The following POLG variants were observed in gnomAD, a reference collection of about 807,000 sequenced individuals.
POLG encodes the protein DNA polymerase gamma, catalytic subunit.
A neutral mutation model predicts 155.4 loss-of-function variants in POLG; 110 were observed. That is an observed-to-expected ratio of 0.71 (90% CI 0.61 to 0.83). The LOEUF (loss-of-function observed/expected upper bound fraction) is 0.83. Ranked by LOEUF, POLG falls within the 40% of genes least tolerant of loss-of-function variation. The pLI, the probability that POLG is intolerant of heterozygous loss-of-function variation, is 0.00. For missense variants in POLG, 1,685 were observed against 1,627.5 expected, an observed-to-expected ratio of 1.04 and a Z score of -0.61; for synonymous variants, 701 against 631.5, an observed-to-expected ratio of 1.11 and a Z score of -1.65.
At chr15:89,327,961 G>A (rs1011792159) in intron 6 of POLG, among the ~76,000 whole-genome samples, 3 of 151,728 alleles carry the variant, frequency 2.0e-5, no homozygotes, top group African/African-American at 4.9e-5. Context: ...TATATAATAC[G>A]TATAACATAA....
chr15:89,333,842 G>T lies in POLG; in HGVS notation c.-88C>A. 1.4e-6 allele frequency: 2 copies of T among 1,436,746 alleles called. No individual in the cohort carries two copies. Among genetic ancestry groups the T allele is most frequent in the Non-Finnish European group, 1.9e-6 (2 of 1,057,794 alleles). The allele number at this position is 1,436,746 out of a possible 1,614,324, so 89.0% of individuals were successfully genotyped here. ...TCTTTTACTGGCTGGAAGACGTGGA[G>T]AGAGACACGTCCTGTCTCTGCTCTC... On this transcript the variant is annotated 5_prime_UTR_variant, in exon 2 of 23. Coordinates refer to ENST00000268124, the MANE Select transcript of POLG (RefSeq NM_002693.3).
Position 89,319,295 on chromosome 15 carries a change from C to T in POLG, c.3037G>A (p.Asp1013Asn), listed in dbSNP as rs1307399071. Residue 1013 changes from aspartate to asparagine, a missense_variant, in exon 19 of 23, where the codon GAC (aspartate) becomes AAC (asparagine). Asp to Asn is a conservative substitution (Grantham distance 23, BLOSUM62 1). Coordinates refer to ENST00000268124, the MANE Select transcript of POLG (RefSeq NM_002693.3). ...GAAATCCAGCCACCCTCAGTCCTGTCCACTGGGAGGTTCAACTCCCTCACC... is the reference window on the plus strand; with the variant it reads ...GAAATCCAGCCACCCTCAGTCCTGTTCACTGGGAGGTTCAACTCCCTCACC... ...WLVRELNLPV[D>N]RTEGGWISLQ... 1 of 1,614,200 alleles carries T rather than the reference C, an allele frequency of 6.2e-7. No homozygotes were observed. The highest frequency in any genetic ancestry group is 1.7e-5 in the Admixed American group (1 of 60,030).
In POLG at chr15:89,333,422, C is replaced by A. The variant is rs56221189; in HGVS notation, c.333G>T (p.Gly111=). 5 of 1,607,524 alleles carry A rather than the reference C, an allele frequency of 3.1e-6. No homozygotes were observed. Among genetic ancestry groups the A allele is most frequent in the East Asian group, 2.2e-5 (1 of 44,838 alleles). The change falls in exon 2 of 23, where the codon GGG becomes GGT. Residue 111 remains glycine (G), a synonymous_variant. Coordinates refer to ENST00000268124, the MANE Select transcript of POLG (RefSeq NM_002693.3). ...AGGGCACGGCTGGCTGCCCCCAGAGCCCGTGCTTCTGCAGGTGCTCGACGC... is the reference window on the plus strand; with the variant it reads ...AGGGCACGGCTGGCTGCCCCCAGAGACCGTGCTTCTGCAGGTGCTCGACGC... The part of the protein sequence containing the change: ...RRSVEHLQKH[G]LWGQPAVPLP...
At chr15:89,324,427 G>A (rs1208242242) in intron 10 of POLG, 200 bp from the exon 11 acceptor site, 1 of 671,920 alleles carries the variant, frequency 1.5e-6, no homozygotes, top group African/African-American at 1.8e-5. Context: ...CAGCAGGCTG[G>A]GGTTCAAGGC....
Position 89,333,846 on chromosome 15 carries a change from G to T in POLG, c.-92C>A. On this transcript the variant is annotated 5_prime_UTR_variant, in exon 2 of 23. Transcript: ENST00000268124. ...TTACTGGCTGGAAGACGTGGAGAGA[G>T]ACACGTCCTGTCTCTGCTCTCCTGT... 7.1e-7 allele frequency: 1 copy of T among 1,415,544 alleles called. No individual in the cohort carries two copies. The highest frequency in any genetic ancestry group is 9.6e-7 in the Non-Finnish European group (1 of 1,038,836). 87.7% of individuals were successfully genotyped at this position (1,415,544 alleles called of 1,614,324 possible).
At chr15:89,334,161 T>G (rs977055748) in intron 1 of POLG, 52 of 309,288 alleles carry the variant, frequency 1.7e-4, no homozygotes, top group Non-Finnish European at 4.9e-5. Flanking sequence ...GTATCTGGAG[T>G]AGGGCGACGC....
At chr15:89,320,687 G>C (rs1399482369) in intron 18 of POLG, 79 bp downstream of exon 18, 1 of 1,515,618 alleles carries the variant, frequency 6.6e-7, no homozygotes, top group South Asian at 1.1e-5. Flanking sequence ...GCAGGAGATA[G>C]AACAGATGGT....
chr15:89,317,303 C>T, intron 22 of POLG, 73 bp downstream of exon 22: 1 of 1,508,824 alleles, frequency 6.6e-7, no homozygotes, highest in Non-Finnish European at 9.2e-7. Context: ...CCCAAGTTTC[C>T]TGTTCTCCAA....
Position 89,325,209 on chromosome 15 carries a change from AGTGAGTGAGT to A in POLG, c.1949+231_1949+240del, listed in dbSNP as rs1567189816. On this transcript the variant is annotated intron_variant, in intron 10 of 22. Transcript: ENST00000268124. The stretch of plus-strand genomic sequence containing the variant: ...GAGTGAGTGAGAGAGTGAGTGAGAG[AGTGAGTGAGT>A]GAGAGAGTGAGTGAGAGAGTGAGTG... Among the ~76,000 whole-genome samples, 59 of 67,384 alleles carry A rather than the reference AGTGAGTGAGT, an allele frequency of 8.8e-4. 15 individuals are homozygous for A. Among genetic ancestry groups the A allele is most frequent in the African/African-American group, 2.6e-3 (41 of 15,730 alleles). 44.2% of individuals were successfully genotyped at this position (67,384 alleles called of 152,430 possible).
chr15:89,325,047 AGT>A (rs1184122881), intron 10 of POLG, among the ~76,000 whole-genome samples: 1 of 122,386 alleles, frequency 8.2e-6, no homozygotes, highest in African/African-American at 5.2e-5. Flanking sequence ...AGAGTGAGTG[AGT>A]GAGTGAGAGA....
intron 12 of POLG, 49 bp from the exon 13 acceptor site, chr15:89,323,560 C>A: frequency 8.3e-7 from 1 of 1,204,384 alleles, no homozygotes; most frequent in Non-Finnish European, 1.2e-6. Context: ...CACCTGCATT[C>A]AGCAAGGGCC....
At chr15:89,320,395 C>G (rs550592968) in intron 18 of POLG, among the ~76,000 whole-genome samples, 1 of 152,208 alleles carries the variant, frequency 6.6e-6, no homozygotes, top group Non-Finnish European at 1.5e-5. Context: ...TTTGCCACAG[C>G]GCCCTCCTGT....
At position 89,320,810 on chromosome 15, in the gene POLG, A is replaced by G. The variant is rs779363917; in HGVS notation, c.2937T>C (p.Ala979=). Residue 979 remains alanine, a synonymous_variant, in exon 18 of 23, where the codon GCT becomes GCC. Transcript: ENST00000268124. ...FNHRLTQQEA[A]EKAQQMYAAT... ...CAGCGTACATCTGCTGGGCCTTCTC[A>G]GCTGCCTCCTGCTGTGTGAGCCGGT... 5.6e-6 allele frequency: 9 copies of G among 1,613,906 alleles called. No homozygotes were observed. In the South Asian group the frequency reaches 8.8e-5, roughly 16 times the overall value.
chr15:89,323,596 C>G, intron 12 of POLG, 85 bp from the exon 13 acceptor site: 1 of 927,032 alleles, frequency 1.1e-6, no homozygotes, highest in Non-Finnish European at 1.8e-6. Flanking sequence ...GGAAAAGGGC[C>G]TGAAACTGTC....
In POLG at chr15:89,325,088, G is replaced by GAA. The variant is rs1567189224; in HGVS notation, c.1949+361_1949+362insTT. On this transcript the variant is annotated intron_variant, in intron 10 of 22. Transcript: ENST00000268124. ...AGTGAGTGAGTGAGTGAGTGAGAGA[G>GAA]TGAGTGAGTGAGAGAGTGAGAGAGA... Among the ~76,000 whole-genome samples, 41 of 92,168 alleles carry GAA rather than the reference G, an allele frequency of 4.4e-4. 2 individuals are homozygous for GAA. The highest frequency in any genetic ancestry group is 5.5e-4 in the Non-Finnish European group (26 of 47,412). The allele number at this position is 92,168 out of a possible 152,430, so 60.5% of individuals were successfully genotyped here.
At chr15:89,317,617 C>G in intron 21 of POLG, 81 bp from the exon 22 acceptor site, 1 of 1,386,906 alleles carries the variant, frequency 7.2e-7, no homozygotes, top group Non-Finnish European at 1.0e-6. Flanking sequence ...GACCCCACAC[C>G]CCTTAGAGCA....
At position 89,325,559 on chromosome 15, in the gene POLG, A is replaced by G. The variant is rs566520464; in HGVS notation, c.1840T>C (p.Tyr614His). Residue 614 changes from tyrosine (Y) to histidine (H), a missense_variant, in exon 10 of 23, where the codon TAC becomes CAC. This residue lies in a region of POLG where 1,210 missense variants were observed against 1,167.1 expected (regional missense o/e 1.04). Transcript: ENST00000268124. The stretch of plus-strand genomic sequence containing the variant: ...TAGCCCCAGCCATGACGCTCTGAGT[A>G]GTGCAGAGGGAAGCCATCCCAGGTA... ...ALTWDGFPLH[Y>H]SERHGWGYLV... 18 of 1,613,704 alleles carry G rather than the reference A, an allele frequency of 1.1e-5. No individual in the cohort carries two copies. The East Asian group carries it at 3.6e-4, about 32-fold the overall frequency.
rs796052887 is a variant in POLG at position 89,322,748 on chromosome 15, C to G, written c.2420G>C (p.Arg807Pro). 1.9e-6 allele frequency: 3 copies of G among 1,613,940 alleles called. No homozygotes were observed. The highest frequency in any genetic ancestry group is 2.2e-5 in the East Asian group (1 of 44,886). The change falls in exon 14 of 23, where the codon CGT becomes CCT. Residue 807 changes from arginine (R) to proline (P), a missense_variant. Around this residue, in one of 3 missense-constraint regions of POLG, gnomAD observed 1,210 missense variants for 1,167.1 expected, o/e 1.04. Coordinates refer to ENST00000268124, the MANE Select transcript of POLG (RefSeq NM_002693.3). ...TCCTCCCATGGTGGCCCACCTGATA[C>G]GTTTATGGGCGTTCCTCCAGAAAGA... is the stretch of plus-strand genomic sequence containing the variant. ...MISFWRNAHK[R>P]ISSQMVVWLP...
In POLG at chr15:89,318,588, G is replaced by T; in HGVS notation, c.3435C>A (p.Asp1145Glu). The T allele has an allele frequency of 6.2e-7, 1 of 1,614,108 alleles. No homozygotes were observed. The highest frequency in any genetic ancestry group is 8.5e-7 in the Non-Finnish European group (1 of 1,180,046). The change falls in exon 21 of 23, where the codon GAC becomes GAA. Residue 1145 changes from aspartate to glutamate, a missense_variant. Coordinates refer to ENST00000268124, the MANE Select transcript of POLG (RefSeq NM_002693.3). ...GCAAGGCCAGGGCAGCGCGGTAGCG[G>T]TCCTCCTCCCGCACCAGGTAGCGAA... is the stretch of plus-strand genomic sequence containing the variant. ...DEVRYLVREE[D>E]RYRAALALQI...
Sources: allele counts gnomAD v4.1 joint callset (sites outside exome capture counted in the v4.1 genomes callset), GRCh38; gene constraint gnomAD v4.1.1; regional missense constraint gnomAD v4.1.1; transcripts MANE v1.5; gene names NCBI Gene and HGNC (gene_info 2026-07-23, HGNC 2026-07-21).